DOCK1: variants seen among roughly 807,000 people sequenced by gnomAD.
DOCK1 encodes dedicator of cytokinesis 1.
Under a neutral mutation model 262.7 loss-of-function variants are expected in DOCK1, and 138 were observed. The ratio of observed to expected loss-of-function variants is 0.53; its 90% CI spans 0.46 to 0.61. The LOEUF (loss-of-function observed/expected upper bound fraction) is 0.61, where lower values mean the gene tolerates loss of function less well. DOCK1 is among the 20% of genes least tolerant of loss of function. The pLI is 0.00. For missense variants in DOCK1, 1,908 were observed against 2,370.7 expected (o/e 0.80, Z 4.05); for synonymous variants, 866 against 867.4 (o/e 1.00, Z 0.03).
At chr10:127,104,211 C>T (rs1213178161) in intron 23 of DOCK1, among the ~76,000 whole-genome samples, 1 of 152,168 alleles carries the variant, frequency 6.6e-6, no homozygotes, top group East Asian at 1.9e-4. Flanking sequence ...CATTTTCTCC[C>T]TGTGTAGTTC....
intron 27 of DOCK1, chr10:127,153,894 G>C (rs757246326): frequency 6.2e-7 from 1 of 1,613,896 alleles, no homozygotes; most frequent in Non-Finnish European, 8.5e-7. Flanking sequence ...GTCACAATTA[G>C]CTGTGTCTTG....
At chr10:127,292,985 G>A (rs1324457602) in intron 29 of DOCK1, among the ~76,000 whole-genome samples, 1 of 152,202 alleles carries the variant, frequency 6.6e-6, no homozygotes, top group East Asian at 1.9e-4. Flanking sequence ...GAAAGGTGCT[G>A]AGAAACAAAG....
At chr10:127,097,010 C>G (rs2047947116) in intron 23 of DOCK1, among the ~76,000 whole-genome samples, 1 of 152,066 alleles carries the variant, frequency 6.6e-6, no homozygotes, top group Non-Finnish European at 1.5e-5. Flanking sequence ...GAGGCTGAGA[C>G]AGGAGAATTG....
At chr10:127,017,852 C>A (rs1436245720) in intron 12 of DOCK1, among the ~76,000 whole-genome samples, 3 of 152,190 alleles carry the variant, frequency 2.0e-5, no homozygotes, top group Non-Finnish European at 4.4e-5. Context: ...CCTGCCCCGC[C>A]TTTGACTTGT....
At chr10:127,291,744 G>C (rs1351779691) in intron 29 of DOCK1, among the ~76,000 whole-genome samples, 1 of 152,180 alleles carries the variant, frequency 6.6e-6, no homozygotes, top group African/African-American at 2.4e-5. Flanking sequence ...CTCTCCTGTT[G>C]CGCTGGCTGT....
intron 12 of DOCK1, 166 bp from the exon 13 acceptor site, chr10:127,018,544 G>A (rs965109907): frequency 9.5e-7 from 1 of 1,054,686 alleles, no homozygotes; most frequent in Admixed American, 2.4e-5. Context: ...GAGTCCCCAC[G>A]ACAGGCACCT....
At chr10:126,997,971 A>G in intron 7 of DOCK1, 121 bp from the exon 8 acceptor site, 1 of 1,289,200 alleles carries the variant, frequency 7.8e-7, no homozygotes, top group Non-Finnish European at 1.1e-6. Flanking sequence ...TGACTGCACC[A>G]AGGCCTTTGC....
At chr10:126,971,999 C>T (rs974703937) in intron 2 of DOCK1, among the ~76,000 whole-genome samples, 11 of 152,256 alleles carry the variant, frequency 7.2e-5, no homozygotes, top group Admixed American at 3.3e-4. Context: ...CCACCACAGC[C>T]TCTGCCTCCC....
intron 21 of DOCK1, among the ~76,000 whole-genome samples, chr10:127,044,350 A>G (rs905493126): frequency 1.3e-5 from 2 of 152,116 alleles, no homozygotes; most frequent in Non-Finnish European, 2.9e-5. Flanking sequence ...GAGCTCCAGG[A>G]AGGCTAAGAG....
chr10:126,941,597 G>A (rs999872609), intron 1 of DOCK1, among the ~76,000 whole-genome samples: 95 of 152,154 alleles, frequency 6.2e-4, no homozygotes, highest in Middle Eastern at 3.4e-3. Context: ...TCTACTAAAA[G>A]TACAAAAAAT....
At chr10:126,928,878 T>C (rs1356163614) in intron 1 of DOCK1, among the ~76,000 whole-genome samples, 1 of 152,246 alleles carries the variant, frequency 6.6e-6, no homozygotes, top group African/African-American at 2.4e-5. Context: ...CCATAGCCAC[T>C]GTTGGCGTGA....
chr10:127,076,680 TGGAATCCTTGCCTTCCCACCTCA>T (rs1399254869), intron 23 of DOCK1, among the ~76,000 whole-genome samples: 1 of 152,184 alleles, frequency 6.6e-6, no homozygotes, highest in East Asian at 1.9e-4. Context: ...TCAGCTCCTC[TGGAATCCTTGCCTTCCCACCTCA>T]TTGGTGGAGC....
intron 1 of DOCK1, among the ~76,000 whole-genome samples, chr10:126,958,686 A>C (rs1303633413): frequency 6.6e-6 from 1 of 152,028 alleles, no homozygotes; most frequent in Non-Finnish European, 1.5e-5. Flanking sequence ...GCTCTATGAC[A>C]CCTTCCTGAT....
At chr10:127,074,162 G>A (rs1323728681) in intron 23 of DOCK1, among the ~76,000 whole-genome samples, 1 of 152,204 alleles carries the variant, frequency 6.6e-6, no homozygotes, top group African/African-American at 2.4e-5. Context: ...AGAATTTTAT[G>A]ATAGAATAAA....
intron 1 of DOCK1, among the ~76,000 whole-genome samples, chr10:126,966,464 T>A (rs1591474304): frequency 6.6e-6 from 1 of 152,226 alleles, no homozygotes; most frequent in Non-Finnish European, 1.5e-5. Context: ...GTAGTTTTTT[T>A]AAGGAACCTT....
chr10:127,327,720 C>A (rs2062803898), intron 29 of DOCK1, among the ~76,000 whole-genome samples: 1 of 152,138 alleles, frequency 6.6e-6, no homozygotes, highest in Admixed American at 6.5e-5. Context: ...CAGTAGCTAC[C>A]AATTATTGAA....
intron 1 of DOCK1, among the ~76,000 whole-genome samples, chr10:126,941,553 G>A (rs1176653459): frequency 1.3e-5 from 2 of 151,708 alleles, no homozygotes; most frequent in South Asian, 2.1e-4. Flanking sequence ...TCAGGAGATC[G>A]AGACCATCCT....
intron 33 of DOCK1, among the ~76,000 whole-genome samples, chr10:127,363,748 C>G (rs1033723483): frequency 6.6e-6 from 1 of 152,102 alleles, no homozygotes; most frequent in South Asian, 2.1e-4. Flanking sequence ...GCGGTATCCA[C>G]GAAGAATGAT....
intron 1 of DOCK1, among the ~76,000 whole-genome samples, chr10:126,936,365 A>C (rs2034557327): frequency 6.6e-6 from 1 of 152,202 alleles, no homozygotes; most frequent in East Asian, 1.9e-4. Flanking sequence ...GCAGCTACTC[A>C]GCTCTGCCAT....
Sources: allele counts gnomAD v4.1 joint callset (sites outside exome capture counted in the v4.1 genomes callset), GRCh38; gene constraint gnomAD v4.1.1; transcripts MANE v1.5; gene names NCBI Gene and HGNC (gene_info 2026-07-23, HGNC 2026-07-21).